Variants in CDC25A observed in about 807,000 individuals in gnomAD.
CDC25A encodes cell division cycle 25A.
CDC25A carries 17 observed loss-of-function variants against 64.6 expected under a neutral mutation model. The observed-to-expected ratio is 0.26, with a 90% confidence interval of 0.18 to 0.39. The LOEUF is 0.39. Ranked by LOEUF, CDC25A falls within the 10% of genes least tolerant of loss-of-function variation. The probability of loss-of-function intolerance (pLI) is 1.00; values close to 1 mark genes in which losing one functional copy is unlikely to be tolerated. For missense variants in CDC25A, 473 were observed against 654.8 expected (o/e 0.72, Z 3.03); for synonymous variants, 229 against 238.6 (o/e 0.96, Z 0.37).
Position 48,177,461 on chromosome 3 carries a change from T to A in CDC25A, c.685-19A>T. The A allele has an allele frequency of 6.2e-7, 1 of 1,603,506 alleles. No homozygotes were observed. The highest frequency in any genetic ancestry group is 8.5e-7 in the Non-Finnish European group (1 of 1,171,002). ...CCTCATTCTAAAGAAACAGAAAAACTGATTTTAAAAAGAGCCTGTAGAGAC... is the reference window on the plus strand; with the variant it reads ...CCTCATTCTAAAGAAACAGAAAAACAGATTTTAAAAAGAGCCTGTAGAGAC... On this transcript the variant is annotated intron_variant, in intron 7 of 14. Transcript: ENST00000302506.
rs774470623 is a variant in CDC25A at position 48,180,791 on chromosome 3, A to C, written c.479T>G (p.Leu160Arg). 6.8e-6 allele frequency: 11 copies of C among 1,614,000 alleles called. No individual in the cohort carries two copies. The highest frequency in any genetic ancestry group is 9.3e-6 in the Non-Finnish European group (11 of 1,179,952). ...KPVRPVSRGCLHSHGLQEGKD... is the reference protein window; with the variant it reads ...KPVRPVSRGCRHSHGLQEGKD... ...ACCCTCCTGGAGTCCATGAGAGTGC[A>C]GGCAGCCACGAGATACAGGTCTTAC... Residue 160 changes from leucine (L) to arginine (R), a missense_variant, in exon 6 of 15, where the codon CTG becomes CGG. By Grantham distance (102) the Leu-to-Arg change is moderately radical (BLOSUM62 -2). This residue lies in a region of CDC25A where 376 missense variants were observed against 431.9 expected (regional missense o/e 0.87). Coordinates refer to ENST00000302506, the MANE Select transcript of CDC25A (RefSeq NM_001789.3).
Position 48,187,864 on chromosome 3 carries a change from C to T in CDC25A, c.84G>A (p.Lys28=). The part of the protein sequence containing the change: ...SPPPASQPVV[K]ALFGASAAGG... ...CGGCGGCTGAAGCGCCAAATAGCGCCTTCACGACGGGCTGCGACGCGGGAG... is the reference window on the plus strand; with the variant it reads ...CGGCGGCTGAAGCGCCAAATAGCGCTTTCACGACGGGCTGCGACGCGGGAG... Residue 28 remains lysine (K), a synonymous_variant, in exon 1 of 15, where the codon AAG becomes AAA. Transcript: ENST00000302506. 2 of 1,548,522 alleles carry T rather than the reference C, an allele frequency of 1.3e-6. 1 individual carries two copies. Among genetic ancestry groups the T allele is most frequent in the South Asian group, 2.4e-5 (2 of 83,990 alleles).
In CDC25A at chr3:48,188,004, C is replaced by G; in HGVS notation, c.-57G>C. On this transcript the variant is annotated 5_prime_UTR_variant, in exon 1 of 15. Coordinates refer to ENST00000302506, the MANE Select transcript of CDC25A (RefSeq NM_001789.3). ...CCTCTTCCTCTGCCTCCGCCGCGACCGCCCCGCCCCGCCGACACCGGCCTC... is the reference window on the plus strand; with the variant it reads ...CCTCTTCCTCTGCCTCCGCCGCGACGGCCCCGCCCCGCCGACACCGGCCTC... 1 of 1,288,734 alleles carries G rather than the reference C, an allele frequency of 7.8e-7. No individual in the cohort carries two copies. The highest frequency in any genetic ancestry group is 3.2e-5 in the East Asian group (1 of 31,538). 79.8% of individuals were successfully genotyped at this position (1,288,734 alleles called of 1,614,324 possible).
At chr3:48,168,977 A>G (rs2032165658) in intron 9 of CDC25A, among the ~76,000 whole-genome samples, 2 of 152,110 alleles carry the variant, frequency 1.3e-5, no homozygotes, top group South Asian at 4.1e-4. Context: ...TTCAATGAGA[A>G]GAGGAAGCCA....
At chr3:48,171,702 A>G (rs576141192) in intron 9 of CDC25A, among the ~76,000 whole-genome samples, 1 of 152,282 alleles carries the variant, frequency 6.6e-6, no homozygotes, top group African/African-American at 2.4e-5. Context: ...ATATTGATAG[A>G]TATTTTCTGA....
intron 5 of CDC25A, among the ~76,000 whole-genome samples, chr3:48,181,296 A>G (rs1202971282): frequency 2.6e-5 from 4 of 152,084 alleles, no homozygotes; most frequent in Non-Finnish European, 5.9e-5. Flanking sequence ...AAAAAAAAAA[A>G]AGCCCTACTG....
intron 6 of CDC25A, among the ~76,000 whole-genome samples, chr3:48,179,976 A>C (rs2032602959): frequency 6.6e-6 from 1 of 152,206 alleles, no homozygotes; most frequent in South Asian, 2.1e-4. Context: ...AATTCAGACC[A>C]ACAGCAGGAA....
intron 13 of CDC25A, among the ~76,000 whole-genome samples, chr3:48,160,450 G>A (rs1285366801): frequency 2.9e-5 from 4 of 136,944 alleles, no homozygotes; most frequent in Middle Eastern, 4.3e-3. Context: ...TCACTCTGTC[G>A]CCCAGGCTGG....
In CDC25A at chr3:48,177,445, A is replaced by G; in HGVS notation, c.685-3T>C. On this transcript the variant is annotated splice_polypyrimidine_tract_variant and splice_region_variant and intron_variant, in intron 7 of 14. Transcript: ENST00000302506. Reference sequence around the variant, plus strand: ...CACGAGGGGGTCTCCTCCTCATTCTAAAGAAACAGAAAAACTGATTTTAAA... The same window carrying G: ...CACGAGGGGGTCTCCTCCTCATTCTGAAGAAACAGAAAAACTGATTTTAAA... 6.2e-7 allele frequency: 1 copy of G among 1,610,932 alleles called. No homozygotes were observed. The highest frequency in any genetic ancestry group is 8.5e-7 in the Non-Finnish European group (1 of 1,177,444).
At chr3:48,170,415 C>T (rs1034015920) in intron 9 of CDC25A, among the ~76,000 whole-genome samples, 3 of 152,070 alleles carry the variant, frequency 2.0e-5, no homozygotes, top group African/African-American at 7.2e-5. Flanking sequence ...AAGTGGCTCA[C>T]AGAACTCAAG....
intron 6 of CDC25A, among the ~76,000 whole-genome samples, chr3:48,179,885 T>A (rs2032598458): frequency 6.6e-6 from 1 of 152,142 alleles, no homozygotes; most frequent in Non-Finnish European, 1.5e-5. Context: ...AGATTTAAGA[T>A]CCTAGGTAAA....
In CDC25A at chr3:48,158,694, T is replaced by C. The variant is rs750909187; in HGVS notation, c.*251A>G. 2.5e-6 allele frequency: 1 copy of C among 398,186 alleles called. No individual in the cohort carries two copies. Among genetic ancestry groups the C allele is most frequent in the Non-Finnish European group, 4.6e-6 (1 of 218,450 alleles). 24.7% of individuals were successfully genotyped at this position (398,186 alleles called of 1,614,324 possible). On this transcript the variant is annotated 3_prime_UTR_variant, in exon 15 of 15. Transcript: ENST00000302506. The stretch of plus-strand genomic sequence containing the variant: ...TGTGGCTCAGAGCAGCTTGACACGG[T>C]GCTCAGAACTGCATTGTGGCACAGT...
chr3:48,179,228 G>A (rs952693510), intron 6 of CDC25A, among the ~76,000 whole-genome samples: 11 of 152,132 alleles, frequency 7.2e-5, no homozygotes, highest in African/African-American at 2.7e-4. Context: ...CCTTTATCAC[G>A]AAAGCTCACA....
intron 13 of CDC25A, 148 bp downstream of exon 13, chr3:48,164,159 G>T: frequency 1.5e-6 from 1 of 679,498 alleles, no homozygotes; most frequent in Non-Finnish European, 2.4e-6. Context: ...TTCACCTCAG[G>T]ATAAAATTAC....
At chr3:48,174,135 A>C in intron 9 of CDC25A, 149 bp downstream of exon 9, 1 of 685,870 alleles carries the variant, frequency 1.5e-6, no homozygotes, top group Non-Finnish European at 2.4e-6. Flanking sequence ...CTCTATTAAA[A>C]GAAACACACA....
intron 1 of CDC25A, among the ~76,000 whole-genome samples, chr3:48,187,251 G>A (rs1233532946): frequency 6.6e-6 from 1 of 152,184 alleles, no homozygotes; most frequent in Non-Finnish European, 1.5e-5. Flanking sequence ...CTGAAAGTTG[G>A]GTAAAAAGAC....
intron 1 of CDC25A, 89 bp from the exon 2 acceptor site, chr3:48,186,868 G>C: frequency 1.2e-6 from 1 of 864,640 alleles, no homozygotes. Flanking sequence ...TTAAGAAGCA[G>C]CCAGGCTGCC....
At chr3:48,186,048 AT>A (rs2032831850) in intron 2 of CDC25A, among the ~76,000 whole-genome samples, 1 of 152,180 alleles carries the variant, frequency 6.6e-6, no homozygotes, top group Non-Finnish European at 1.5e-5. Context: ...TGCACTGGCA[AT>A]TTCCTCCATA....
In CDC25A at chr3:48,167,078, C is replaced by T. The variant is rs111227849; in HGVS notation, c.1029+768G>A. 2.2e-3 allele frequency among the ~76,000 whole-genome samples: 332 copies of T among 152,246 alleles called. 3 individuals are homozygous for T. Among genetic ancestry groups the T allele is most frequent in the African/African-American group, 6.8e-3 (283 of 41,538 alleles). The stretch of plus-strand genomic sequence containing the variant: ...CCAAGATAAACCCTTTTACTTCTCA[C>T]GGCATGCTGTTTATGTTTACACCTC... On this transcript the variant is annotated intron_variant, in intron 10 of 14. Transcript: ENST00000302506.
Sources: allele counts gnomAD v4.1 joint callset (sites outside exome capture counted in the v4.1 genomes callset), GRCh38; gene constraint gnomAD v4.1.1; regional missense constraint gnomAD v4.1.1; transcripts MANE v1.5; gene names NCBI Gene and HGNC (gene_info 2026-07-23, HGNC 2026-07-21).